Variants in NCLN observed in about 807,000 individuals in gnomAD.
The protein encoded by NCLN is BOS complex subunit NCLN.
In NCLN, 34 loss-of-function variants were observed where a neutral mutation model predicts 69.5. The ratio of observed to expected loss-of-function variants is 0.49; its 90% confidence interval spans 0.37 to 0.65. The LOEUF (loss-of-function observed/expected upper bound fraction) is 0.65. Among genes scored for constraint, NCLN ranks in the 30% least tolerant of loss-of-function variants. NCLN has a pLI of 0.00. For synonymous variants in NCLN, 393 were observed against 358.3 expected (o/e 1.10, Z -1.09); for missense variants, 710 against 804.8 (o/e 0.88, Z 1.42).
At chr19:3,188,261 T>C (rs1915721211) in intron 1 of NCLN, among the ~76,000 whole-genome samples, 2 of 151,512 alleles carry the variant, frequency 1.3e-5, no homozygotes, top group South Asian at 2.1e-4. Flanking sequence ...CCCCTTTCTC[T>C]CCCCAAGAAC....
chr19:3,194,240 G>C (rs370188161), intron 3 of NCLN, among the ~76,000 whole-genome samples: 1 of 152,186 alleles, frequency 6.6e-6, no homozygotes, highest in South Asian at 2.1e-4. Flanking sequence ...AAAGTTAGCC[G>C]GGCGCGGTGG....
At chr19:3,193,871 G>C (rs559406492) in intron 3 of NCLN, among the ~76,000 whole-genome samples, 1 of 152,388 alleles carries the variant, frequency 6.6e-6, no homozygotes, top group East Asian at 1.9e-4. Context: ...CCCGTGAACG[G>C]GGGCCCTGGC....
At chr19:3,198,530 CAA>C (rs869156808) in intron 4 of NCLN, among the ~76,000 whole-genome samples, 2,707 of 143,388 alleles carry the variant, frequency 0.019, 92 homozygotes, top group African/African-American at 0.065. Flanking sequence ...AAAACACAAA[CAA>C]AAAAAAAAAA....
rs776400121 is a variant in NCLN, at chr19:3,203,725, G to A, written c.801-31G>A. On this transcript the variant is annotated intron_variant, in intron 6 of 14. Transcript: ENST00000246117. ...CCTCCTCCACCCCAGGCGCTTGCCC[G>A]TCAAAGCTAACACTGGGTCTTCCCT... 1.1e-5 allele frequency: 17 copies of A among 1,589,324 alleles called. No individual in the cohort carries two copies. In the Admixed American group the frequency reaches 1.3e-4, roughly 12 times the overall value.
chr19:3,199,689 C>CTTTTTTTT, intron 5 of NCLN, among the ~76,000 whole-genome samples: 1 of 69,544 alleles, frequency 1.4e-5, no homozygotes, highest in East Asian at 4.8e-4. Context: ...CTGCCTCCTC[C>CTTTTTTTT]TTTTTTTTTT....
At position 3,204,050 on chromosome 19, in the gene NCLN, A is replaced by G; in HGVS notation, c.935A>G (p.Asp312Gly). The stretch of plus-strand genomic sequence containing the variant: ...AATGTGGCCTTCGTGCTGTGCCTGG[A>G]CACCGTGGGCCGGGGCAGCAGCCTG... Reference protein sequence around the residue: ...QDNVAFVLCLDTVGRGSSLHL... With the variant: ...QDNVAFVLCLGTVGRGSSLHL... The change falls in exon 8 of 15, where the codon GAC (aspartate) becomes GGC (glycine). Residue 312 changes from aspartate to glycine, a missense_variant. By Grantham distance (94) the Asp-to-Gly change is moderately conservative (BLOSUM62 -1). Transcript: ENST00000246117. 6.4e-7 allele frequency: 1 copy of G among 1,571,538 alleles called. No individual in the cohort carries two copies. The highest frequency in any genetic ancestry group is 8.6e-7 in the Non-Finnish European group (1 of 1,158,156).
chr19:3,201,941 G>A (rs1167516829), intron 6 of NCLN, among the ~76,000 whole-genome samples: 2 of 152,128 alleles, frequency 1.3e-5, no homozygotes, highest in East Asian at 1.9e-4. Flanking sequence ...GGTCGGGGCC[G>A]GATTTTTCGC....
At position 3,208,082 on chromosome 19, in the gene NCLN, G is replaced by GGCCT. The variant is rs1326805380; in HGVS notation, c.*396_*399dup. On this transcript the variant is annotated 3_prime_UTR_variant, in exon 15 of 15. Transcript: ENST00000246117. ...CCGCCCACCGCCTCCTGCCGCAAGGGGCCTGGACTGCAGGCCTGACCTGCT... is the reference window on the plus strand; with the variant it reads ...CCGCCCACCGCCTCCTGCCGCAAGGGGCCTGCCTGGACTGCAGGCCTGACCTGCT... 2 of 235,392 alleles carry GGCCT rather than the reference G, an allele frequency of 8.5e-6. No homozygotes were observed. The highest frequency in any genetic ancestry group is 1.7e-5 in the Non-Finnish European group (2 of 118,670). The allele number at this position is 235,392 out of a possible 1,614,324, so 14.6% of individuals were successfully genotyped here. A position where few individuals can be genotyped will look rare whatever the true frequency, so the allele number is the denominator to read the frequency against.
At chr19:3,197,651 G>A (rs1383831889) in intron 4 of NCLN, among the ~76,000 whole-genome samples, 10 of 133,920 alleles carry the variant, frequency 7.5e-5, no homozygotes, top group African/African-American at 1.8e-4. Flanking sequence ...ATGGAGTTTC[G>A]CTCCTGTTGC....
intron 3 of NCLN, 143 bp downstream of exon 3, chr19:3,193,571 GC>G (rs1915886058): frequency 1.9e-6 from 2 of 1,029,282 alleles, no homozygotes; most frequent in African/African-American, 1.6e-5. Context: ...GGGTTCCTGG[GC>G]CCCGTGTGGA....
In NCLN at chr19:3,207,400, G is replaced by A. The variant is rs76473246; in HGVS notation, c.1563G>A (p.Pro521=). The change falls in exon 14 of 15, where the codon CCG becomes CCA. Residue 521 remains proline (P), a synonymous_variant. Transcript: ENST00000246117. ...CCTGCTTTCTCCACAGAGTCAAGCCGGCCGTCTTTGACCTGCTCCTGGCTG... is the reference window on the plus strand; with the variant it reads ...CCTGCTTTCTCCACAGAGTCAAGCCAGCCGTCTTTGACCTGCTCCTGGCTG... ...KQVMNAYRVK[P]AVFDLLLAVG... is the part of the protein sequence containing the mutation. 5.3e-3 allele frequency: 8,487 copies of A among 1,613,064 alleles called. 374 individuals carry two copies. The African/African-American group carries it at 0.098, about 19-fold the overall frequency.
In NCLN at chr19:3,204,028, G is replaced by A. The variant is rs1437650115; in HGVS notation, c.913G>A (p.Val305Met). Residue 305 changes from valine (V) to methionine (M), a missense_variant, in exon 8 of 15, where the codon GTG becomes ATG. By Grantham distance (21) the Val-to-Met change is conservative. Coordinates refer to ENST00000246117, the MANE Select transcript of NCLN (RefSeq NM_020170.4). ...HTDSSLLQDN[V>M]AFVLCLDTVG... ...AGACTCCAGCCTGCTTCAGGACAAT[G>A]TGGCCTTCGTGCTGTGCCTGGACAC... is the stretch of plus-strand genomic sequence containing the variant. 1 of 1,574,102 alleles carries A rather than the reference G, an allele frequency of 6.4e-7. No individual in the cohort carries two copies. Among genetic ancestry groups the A allele is most frequent in the East Asian group, 2.3e-5 (1 of 42,906 alleles).
Position 3,198,726 on chromosome 19 carries a change from A to G in NCLN, c.616-91A>G. ...TGCTGGCACCCAGCGGACGGGCCCC[A>G]CGTGGCCCAGAGGGGAGGGGTCTCC... On this transcript the variant is annotated intron_variant, in intron 4 of 14. Transcript: ENST00000246117. The G allele has an allele frequency of 8.9e-6, 9 of 1,011,160 alleles. No individual in the cohort carries two copies. The South Asian group carries it at 1.4e-4, about 16-fold the overall frequency. 62.6% of individuals were successfully genotyped at this position (1,011,160 alleles called of 1,614,324 possible). A position where few individuals can be genotyped will look rare whatever the true frequency, so the allele number is the denominator to read the frequency against.
chr19:3,207,153 TAGCTG>T, intron 12 of NCLN, 40 bp from the exon 13 acceptor site: 1 of 1,607,644 alleles, frequency 6.2e-7, no homozygotes, highest in Non-Finnish European at 8.5e-7. Context: ...TTTTAAGAAT[TAGCTG>T]GGCGCAGTGG....
chr19:3,191,032 C>CGCA (rs1568309756), intron 1 of NCLN, among the ~76,000 whole-genome samples: 2 of 145,146 alleles, frequency 1.4e-5, no homozygotes, highest in African/African-American at 5.3e-5. Context: ...GGGAGATCGT[C>CGCA]GTGGTGCGTG....
rs1915653938 is a variant in NCLN at position 3,185,964 on chromosome 19, C to T, written c.-67C>T. 17 of 1,310,694 alleles carry T rather than the reference C, an allele frequency of 1.3e-5. No homozygotes were observed. Among genetic ancestry groups the T allele is most frequent in the Middle Eastern group, 2.9e-4 (1 of 3,466 alleles). The allele number at this position is 1,310,694 out of a possible 1,614,324, so 81.2% of individuals were successfully genotyped here. On this transcript the variant is annotated 5_prime_UTR_variant, in exon 1 of 15. Coordinates refer to ENST00000246117, the MANE Select transcript of NCLN (RefSeq NM_020170.4). Reference sequence around the variant, plus strand: ...GCGGCTACCCATGCCGAGGTGAGTCCGCGGGAGCCGCCGCCGCCGCCGTCC... The same window carrying T: ...GCGGCTACCCATGCCGAGGTGAGTCTGCGGGAGCCGCCGCCGCCGCCGTCC...
intron 2 of NCLN, 25 bp downstream of exon 2, chr19:3,192,685 G>A (rs758267407): frequency 1.2e-5 from 18 of 1,504,248 alleles, no homozygotes; most frequent in Middle Eastern, 2.2e-4. Context: ...TGCCCCGCCC[G>A]GCTCAGGTCC....
At position 3,186,045 on chromosome 19, in the gene NCLN, G is replaced by T. The variant is rs757381206; in HGVS notation, c.15G>T (p.Ala5=). ...CGCCGGCCAGGATGCTGGAGGAAGC[G>T]GGCGAGGTGCTGGAGAACATGCTGA... MLEE[A]GEVLENMLKA... Residue 5 remains alanine, a synonymous_variant, in exon 1 of 15, where the codon GCG becomes GCT. Coordinates refer to ENST00000246117, the MANE Select transcript of NCLN (RefSeq NM_020170.4). 3 of 1,577,344 alleles carry T rather than the reference G, an allele frequency of 1.9e-6. No individual in the cohort carries two copies. The highest frequency in any genetic ancestry group is 1.7e-6 in the Non-Finnish European group (2 of 1,165,886).
chr19:3,204,096 G>T lies in NCLN; in HGVS notation c.981G>T (p.Pro327=). 6.5e-7 allele frequency: 1 copy of T among 1,530,580 alleles called. No homozygotes were observed. The highest frequency in any genetic ancestry group is 8.8e-7 in the Non-Finnish European group (1 of 1,141,152). The allele number at this position is 1,530,580 out of a possible 1,614,324, so 94.8% of individuals were successfully genotyped here. A position where few individuals can be genotyped will look rare whatever the true frequency, so the allele number is the denominator to read the frequency against. Residue 327 remains proline, a synonymous_variant, in exon 8 of 15, where the codon CCG becomes CCT. Transcript: ENST00000246117. ...GSSLHLHVSK[P]PREGTLQHAF... ...GCCTGCACCTGCACGTGTCCAAGCC[G>T]CCTCGGGAGGGCACCCTGCAGCACG...
Sources: gnomAD v4.1 joint callset for allele counts (sites outside exome capture counted in the v4.1 genomes callset) on GRCh38, gnomAD v4.1.1 for gene constraint, MANE v1.5 for transcripts, NCBI Gene and HGNC (gene_info 2026-07-23, HGNC 2026-07-21) for gene names.